The following AJAP1 variants were observed in gnomAD, a reference collection of about 807,000 sequenced individuals.
AJAP1 encodes the protein adherens junction-associated protein 1.
Under a neutral mutation model 35.0 loss-of-function variants are expected in AJAP1, and 5 were observed. The ratio of observed to expected loss-of-function variants is 0.14; its 90% CI spans 0.07 to 0.30. The LOEUF (loss-of-function observed/expected upper bound fraction) is 0.30. AJAP1 is among the 10% of genes least tolerant of loss of function. AJAP1 has a pLI of 1.00. For synonymous variants in AJAP1, 284 were observed against 249.3 expected, an observed-to-expected ratio of 1.14 and a Z score of -1.31; for missense variants, 586 against 571.0, an observed-to-expected ratio of 1.03 and a Z score of -0.27.
intron 2 of AJAP1, among the ~76,000 whole-genome samples, chr1:4,757,593 G>A (rs1239607008): frequency 6.6e-6 from 1 of 152,240 alleles, no homozygotes; most frequent in Non-Finnish European, 1.5e-5. Context: ...TACCTGGGGA[G>A]TGGGTCTACT....
rs1450461225 is a variant in AJAP1, at chr1:4,692,777, G to C, written c.30-19123G>C. On this transcript the variant is annotated intron_variant, in intron 1 of 5. Transcript: ENST00000378191. The surrounding 1 kb of genome is among the most constrained non-coding windows in gnomAD (Gnocchi z 4.4). ...CCCTCCAGGTCTTGTCAGCTGAAAT[G>C]CCTGTTCCCTCAGTGGACTGTGAAC... 2.0e-5 allele frequency among the ~76,000 whole-genome samples: 3 copies of C among 152,158 alleles called. No homozygotes were observed. The highest frequency in any genetic ancestry group is 7.2e-5 in the African/African-American group (3 of 41,438).
chr1:4,774,493 C>A lies in AJAP1; in HGVS notation c.1230C>A (p.Ser410=), dbSNP rs2100365795. The stretch of plus-strand genomic sequence containing the variant: ...TGTCTGAGAAATGGTTTGAAATCTC[C>A]TGCTGACTGGCCGAAGTCTTTTTTA... The part of the protein sequence containing the change: ...AFVSEKWFEI[S]C Residue 410 remains serine, a synonymous_variant, in exon 5 of 6, where the codon TCC becomes TCA. Coordinates refer to ENST00000378191, the MANE Select transcript of AJAP1 (RefSeq NM_018836.4). 1 of 1,614,162 alleles carries A rather than the reference C, an allele frequency of 6.2e-7. No individual in the cohort carries two copies. Among genetic ancestry groups the A allele is most frequent in the Non-Finnish European group, 8.5e-7 (1 of 1,180,018 alleles).
chr1:4,746,653 T>TA (rs551022514), intron 2 of AJAP1, among the ~76,000 whole-genome samples: 75 of 152,340 alleles, frequency 4.9e-4, no homozygotes, highest in Admixed American at 2.7e-3. Context: ...TTTTAGGGCT[T>TA]ACAATGAAAA....
chr1:4,717,741 C>G (rs1368144122), intron 2 of AJAP1, among the ~76,000 whole-genome samples: 1 of 152,200 alleles, frequency 6.6e-6, no homozygotes, highest in African/African-American at 2.4e-5. Flanking sequence ...GCCAGCCAAC[C>G]TCAGGAGCAA....
rs141719660 is a variant in AJAP1, at chr1:4,691,977, C to T, written c.30-19923C>T. Among the ~76,000 whole-genome samples the T allele has an allele frequency of 5.3e-3, 797 of 151,322 alleles. 2 individuals carry two copies. The highest frequency in any genetic ancestry group is 0.018 in the African/African-American group (742 of 41,204). On this transcript the variant is annotated intron_variant, in intron 1 of 5. Coordinates refer to ENST00000378191, the MANE Select transcript of AJAP1 (RefSeq NM_018836.4). ...GGCTCAGAAGAGGGTGTAGGTCAGA[C>T]GTGGGGTGGGGACGGGGTTGGAGGG... is the stretch of plus-strand genomic sequence containing the variant.
At chr1:4,780,816 T>C (rs1055918637) in intron 5 of AJAP1, among the ~76,000 whole-genome samples, 1 of 152,004 alleles carries the variant, frequency 6.6e-6, no homozygotes, top group Non-Finnish European at 1.5e-5. Flanking sequence ...TCACTAGAGA[T>C]GGGGTTTCAC....
chr1:4,712,685 T>C lies in AJAP1; in HGVS notation c.815T>C (p.Leu272Pro). 1 of 1,512,442 alleles carries C rather than the reference T, an allele frequency of 6.6e-7. No homozygotes were observed. Among genetic ancestry groups the C allele is most frequent in the Non-Finnish European group, 8.9e-7 (1 of 1,127,574 alleles). 93.7% of individuals were successfully genotyped at this position (1,512,442 alleles called of 1,614,324 possible). A position where few individuals can be genotyped will look rare whatever the true frequency, so the allele number is the denominator to read the frequency against. The stretch of plus-strand genomic sequence containing the variant: ...GAAGTCACCCAGCCCCCAAGGATTC[T>C]GGGGGAGGCCTCAGGTACAGCCATC... ...NGEVTQPPRI[L>P]GEASGLAVHQ... Residue 272 changes from leucine (L) to proline (P), a missense_variant, in exon 2 of 6, where the codon CTG becomes CCG. Transcript: ENST00000378191.
chr1:4,715,333 T>C lies in AJAP1; in HGVS notation c.829+2634T>C, dbSNP rs549719088. 5.3e-5 allele frequency among the ~76,000 whole-genome samples: 8 copies of C among 152,364 alleles called. 1 individual carries two copies. Among genetic ancestry groups the C allele is most frequent in the African/African-American group, 1.9e-4 (8 of 41,584 alleles). ...ATCTGGGCTCTGTTGCATGTCACTG[T>C]GTGACCCTGGAAAAGGTCTCTCCTC... is the stretch of plus-strand genomic sequence containing the variant. On this transcript the variant is annotated intron_variant, in intron 2 of 5. Transcript: ENST00000378191.
At chr1:4,726,035 G>T (rs11586740) in intron 2 of AJAP1, among the ~76,000 whole-genome samples, 21,366 of 152,290 alleles carry the variant, frequency 0.14, 2,017 homozygotes, top group Non-Finnish European at 0.2. Flanking sequence ...GCCCACCTGG[G>T]AGAGTGCCTC....
intron 1 of AJAP1, among the ~76,000 whole-genome samples, chr1:4,688,927 G>A (rs1311849424): frequency 1.3e-5 from 2 of 152,150 alleles, no homozygotes; most frequent in African/African-American, 4.8e-5. Flanking sequence ...AACTGAGGCA[G>A]GGAGGCATCT....
At chr1:4,780,859 G>A (rs1273282789) in intron 5 of AJAP1, among the ~76,000 whole-genome samples, 1 of 151,986 alleles carries the variant, frequency 6.6e-6, no homozygotes, top group East Asian at 1.9e-4. Context: ...TTCTTTACAT[G>A]CAGTGAACCC....
At chr1:4,731,838 C>T (rs779662577) in intron 2 of AJAP1, among the ~76,000 whole-genome samples, 1 of 152,262 alleles carries the variant, frequency 6.6e-6, no homozygotes, top group African/African-American at 2.4e-5. Context: ...TACCCTTCCG[C>T]CCCTGTCCTT....
chr1:4,776,800 G>A (rs953307550), intron 5 of AJAP1, among the ~76,000 whole-genome samples: 1 of 152,128 alleles, frequency 6.6e-6, no homozygotes, highest in African/African-American at 2.4e-5. Context: ...CAGGACCACC[G>A]GCATTTACAC....
intron 1 of AJAP1, among the ~76,000 whole-genome samples, chr1:4,710,377 A>C (rs1640203329): frequency 6.6e-6 from 1 of 151,886 alleles, no homozygotes; most frequent in South Asian, 2.1e-4. Context: ...GCATCTTTAC[A>C]CTCATGTATG....
At chr1:4,697,479 G>A (rs1639890413) in intron 1 of AJAP1, among the ~76,000 whole-genome samples, 1 of 152,256 alleles carries the variant, frequency 6.6e-6, no homozygotes. Context: ...TGCTGATGGT[G>A]GCTGGTACTA....
intron 1 of AJAP1, among the ~76,000 whole-genome samples, chr1:4,667,920 G>T (rs1473349039): frequency 6.6e-6 from 1 of 152,184 alleles, no homozygotes; most frequent in African/African-American, 2.4e-5. Flanking sequence ...CCTAAAGAAT[G>T]CCGTTAGGGT....
chr1:4,674,852 G>A (rs998878820), intron 1 of AJAP1, among the ~76,000 whole-genome samples: 1 of 152,226 alleles, frequency 6.6e-6, no homozygotes, highest in African/African-American at 2.4e-5. Context: ...TCATCTGCAC[G>A]CGCCTATTTC....
At chr1:4,670,143 G>T (rs1179490856) in intron 1 of AJAP1, among the ~76,000 whole-genome samples, 1 of 152,170 alleles carries the variant, frequency 6.6e-6, no homozygotes, top group Non-Finnish European at 1.5e-5. Context: ...CAGAGCCAAT[G>T]CAGGCTCCTT....
chr1:4,770,856 C>T (rs189086947), intron 3 of AJAP1, among the ~76,000 whole-genome samples: 234 of 152,202 alleles, frequency 1.5e-3, no homozygotes, highest in Middle Eastern at 3.4e-3. Context: ...ACCTCCCACT[C>T]GGCTAGCGAG....
Sources: gnomAD v4.1 joint callset for allele counts (sites outside exome capture counted in the v4.1 genomes callset) on GRCh38, gnomAD v4.1.1 for gene constraint, Gnocchi (gnomAD v3.1) non-coding constraint, MANE v1.5 for transcripts, NCBI Gene and HGNC (gene_info 2026-07-23, HGNC 2026-07-21) for gene names.